The following SCN8A variants were observed in gnomAD, a reference collection of about 807,000 sequenced individuals.
SCN8A encodes sodium voltage-gated channel alpha subunit 8.
A neutral mutation model predicts 184.1 loss-of-function variants in SCN8A; 30 were observed. That is an observed-to-expected ratio of 0.16 (90% CI 0.12 to 0.22). The LOEUF (loss-of-function observed/expected upper bound fraction) is 0.22. SCN8A is among the 10% of genes least tolerant of loss of function. SCN8A has a pLI of 1.00. For missense variants in SCN8A, 1,057 were observed against 2,498.9 expected (o/e 0.42, Z 12.30); for synonymous variants, 852 against 907.0 (o/e 0.94, Z 1.09).
At chr12:51,794,212 A>T (rs2138918715) in intron 25 of SCN8A, among the ~76,000 whole-genome samples, 159 bp from the exon 26 acceptor site, 1 of 152,278 alleles carries the variant, frequency 6.6e-6, no homozygotes, top group East Asian at 1.9e-4. Context: ...GGTAATATTG[A>T]TGTTGGTCTC....
intron 25 of SCN8A, among the ~76,000 whole-genome samples, chr12:51,793,956 C>A (rs1737148598): frequency 6.6e-6 from 1 of 152,022 alleles, no homozygotes; most frequent in African/African-American, 2.4e-5. Flanking sequence ...ACCAGCCTGG[C>A]CAATATAGCA....
intron 1 of SCN8A, among the ~76,000 whole-genome samples, chr12:51,608,885 C>A (rs1408976291): frequency 6.6e-6 from 1 of 152,166 alleles, no homozygotes; most frequent in Non-Finnish European, 1.5e-5. Flanking sequence ...GTGAACTTTC[C>A]TCTTAGCACC....
At chr12:51,674,349 G>T (rs1260776262) in intron 2 of SCN8A, among the ~76,000 whole-genome samples, 5 of 150,150 alleles carry the variant, frequency 3.3e-5, no homozygotes, top group Non-Finnish European at 7.4e-5. Context: ...TTTTTTTTTT[G>T]AGAGAGAGAG....
At chr12:51,737,419 T>G (rs200280669) in intron 12 of SCN8A, among the ~76,000 whole-genome samples, 3 of 152,212 alleles carry the variant, frequency 2.0e-5, no homozygotes, top group African/African-American at 7.2e-5. Context: ...ACTCTGCCTC[T>G]GCCTCCTTTG....
chr12:51,750,910 C>T (rs1420695718), intron 13 of SCN8A, among the ~76,000 whole-genome samples: 1 of 152,186 alleles, frequency 6.6e-6, no homozygotes, highest in African/African-American at 2.4e-5. Context: ...GTGCCAGATA[C>T]TATAGTGACT....
intron 12 of SCN8A, among the ~76,000 whole-genome samples, chr12:51,731,450 C>T (rs1040144703): frequency 1.3e-5 from 2 of 152,026 alleles, no homozygotes; most frequent in Non-Finnish European, 2.9e-5. Context: ...GGGGTTTTAC[C>T]ATATTGGCCA....
intron 2 of SCN8A, among the ~76,000 whole-genome samples, chr12:51,665,136 C>T (rs1462312342): frequency 6.6e-6 from 1 of 152,182 alleles, no homozygotes; most frequent in Non-Finnish European, 1.5e-5. Flanking sequence ...GTTGTTAGAG[C>T]CCAATTTTCC....
chr12:51,691,837 G>T, intron 6 of SCN8A, among the ~76,000 whole-genome samples: 1 of 152,176 alleles, frequency 6.6e-6, no homozygotes, highest in Non-Finnish European at 1.5e-5. Flanking sequence ...TCCCTCATGG[G>T]AAGTTTTCTC....
chr12:51,718,124 CA>C (rs923417014), intron 11 of SCN8A, among the ~76,000 whole-genome samples: 1 of 151,994 alleles, frequency 6.6e-6, no homozygotes, highest in African/African-American at 2.4e-5. Context: ...GAATTGTAGC[CA>C]ACAAAAAGAT....
At chr12:51,787,109 A>G (rs1938107344) in intron 22 of SCN8A, among the ~76,000 whole-genome samples, 1 of 152,236 alleles carries the variant, frequency 6.6e-6, no homozygotes. Context: ...AGTGGCAGAG[A>G]GATCATCTTC....
Position 51,713,154 on chromosome 12 carries a change from C to G in SCN8A, c.1635+6439C>G. ...CTTGCATAACTTCTATGGTTTCAAT[C>G]TTGCCATACTTTTCAAAGTAGTCTC... On this transcript the variant is annotated intron_variant, in intron 11 of 26. Transcript: ENST00000627620. The G allele has an allele frequency of 7.4e-6, 9 of 1,211,324 alleles. No individual in the cohort carries two copies. In the South Asian group the frequency reaches 1.1e-4, roughly 15 times the overall value. The allele number at this position is 1,211,324 out of a possible 1,614,324, so 75.0% of individuals were successfully genotyped here.
rs1206400215 is a variant in SCN8A at position 51,808,561 on chromosome 12, GC to G, written c.*1134del. ...TTGCAATATTTATGACGATCGTTTA[GC>G]CTTCATACTGGAGAATTGACACTTA... On this transcript the variant is annotated 3_prime_UTR_variant, in exon 27 of 27. Coordinates refer to ENST00000627620, the MANE Select transcript of SCN8A (RefSeq NM_001330260.2). 1 of 152,482 alleles carries G rather than the reference GC, an allele frequency of 6.6e-6. No individual in the cohort carries two copies. The highest frequency in any genetic ancestry group is 1.5e-5 in the Non-Finnish European group (1 of 68,020). The allele number at this position is 152,482 out of a possible 1,614,324, so 9.4% of individuals were successfully genotyped here.
chr12:51,645,316 G>A lies in SCN8A; in HGVS notation c.-54-17448G>A, dbSNP rs569180862. Among the ~76,000 whole-genome samples the A allele has an allele frequency of 8.4e-3, 1,260 of 149,158 alleles. 8 individuals are homozygous for A. The highest frequency in any genetic ancestry group is 0.013 in the Non-Finnish European group (848 of 67,186). On this transcript the variant is annotated intron_variant, in intron 1 of 26. Coordinates refer to ENST00000627620, the MANE Select transcript of SCN8A (RefSeq NM_001330260.2). The stretch of plus-strand genomic sequence containing the variant: ...GCCCCTCTGCCCGGCCAGCCGCCCC[G>A]TCCAGGAGGGAGGTGGGGGGGTTCA...
At chr12:51,718,059 A>G (rs1404230810) in intron 11 of SCN8A, among the ~76,000 whole-genome samples, 1 of 152,242 alleles carries the variant, frequency 6.6e-6, no homozygotes, top group East Asian at 1.9e-4. Flanking sequence ...ATCTGGGGAC[A>G]GGGGCTTTGT....
rs1009103255 is a variant in SCN8A, at chr12:51,760,921, A to G, written c.2371-1582A>G. ...TTTTATTGCTGTTTATTAATTCAGT[A>G]TATTTCCAAACAGCATCTATAATCT... On this transcript the variant is annotated intron_variant, in intron 14 of 26. Transcript: ENST00000627620. 2.0e-5 allele frequency among the ~76,000 whole-genome samples: 3 copies of G among 152,288 alleles called. No homozygotes were observed. The South Asian group carries it at 6.2e-4, about 32-fold the overall frequency.
At chr12:51,713,915 G>A (rs1243921321) in intron 11 of SCN8A, among the ~76,000 whole-genome samples, 1 of 150,110 alleles carries the variant, frequency 6.7e-6, no homozygotes, top group African/African-American at 2.4e-5. Context: ...CCCATTACAT[G>A]ATTAACACAA....
At chr12:51,595,478 A>G (rs1171916442) in intron 1 of SCN8A, among the ~76,000 whole-genome samples, 2 of 152,214 alleles carry the variant, frequency 1.3e-5, no homozygotes, top group Non-Finnish European at 2.9e-5. Flanking sequence ...CTATAGTTAC[A>G]CTATTGAGAA....
intron 14 of SCN8A, among the ~76,000 whole-genome samples, chr12:51,753,619 A>C (rs1789495200): frequency 6.6e-6 from 1 of 152,188 alleles, no homozygotes. Context: ...TGGAAGTCAG[A>C]AGATTTGGGT....
At chr12:51,703,085 T>C (rs1592390688) in intron 9 of SCN8A, among the ~76,000 whole-genome samples, 171 bp downstream of exon 9, 1 of 152,224 alleles carries the variant, frequency 6.6e-6, no homozygotes, top group East Asian at 1.9e-4. Context: ...TTCTCATCCC[T>C]GTTTCTCGAA....
Sources: gnomAD v4.1 joint callset for allele counts (sites outside exome capture counted in the v4.1 genomes callset) on GRCh38, gnomAD v4.1.1 for gene constraint, MANE v1.5 for transcripts, NCBI Gene and HGNC (gene_info 2026-07-23, HGNC 2026-07-21) for gene names.